DTNA: variants seen among roughly 807,000 people sequenced by gnomAD.
The protein encoded by DTNA is dystrophin-related protein 3.
A neutral mutation model predicts 100.7 loss-of-function variants in DTNA; 43 were observed. The ratio of observed to expected loss-of-function variants is 0.43; its 90% CI spans 0.33 to 0.55. DTNA has a LOEUF of 0.55. Ranked by LOEUF, DTNA falls within the 20% of genes least tolerant of loss-of-function variation. The pLI, the probability that DTNA is intolerant of heterozygous loss-of-function variation, is 0.04. For missense variants in DTNA, 798 were observed against 953.9 expected, an observed-to-expected ratio of 0.84 and a Z score of 2.15; for synonymous variants, 349 against 347.9, an observed-to-expected ratio of 1.00 and a Z score of -0.04.
chr18:34,829,166 T>C (rs2095937779), intron 10 of DTNA: 1 of 1,612,234 alleles, frequency 6.2e-7, no homozygotes, highest in African/African-American at 1.3e-5. Context: ...TAACCCAAAA[T>C]ATGATTATTT....
chr18:34,517,767 C>T (rs569141397), intron 1 of DTNA, among the ~76,000 whole-genome samples: 2 of 152,082 alleles, frequency 1.3e-5, no homozygotes, highest in African/African-American at 2.4e-5. Context: ...CACCTTACCC[C>T]CTGTGTCCAT....
intron 2 of DTNA, among the ~76,000 whole-genome samples, chr18:34,763,785 AAAT>A (rs1428261639): frequency 6.6e-6 from 1 of 152,174 alleles, no homozygotes; most frequent in Non-Finnish European, 1.5e-5. Context: ...ATCATAATGA[AAAT>A]AATAATAACA....
At chr18:34,666,998 A>G (rs1025506844) in intron 1 of DTNA, among the ~76,000 whole-genome samples, 2 of 152,160 alleles carry the variant, frequency 1.3e-5, no homozygotes, top group Non-Finnish European at 2.9e-5. Context: ...CATTGAATCT[A>G]TAAATTACTT....
chr18:34,738,313 A>C (rs1415410962), intron 1 of DTNA, among the ~76,000 whole-genome samples: 1 of 152,202 alleles, frequency 6.6e-6, no homozygotes, highest in Non-Finnish European at 1.5e-5. Flanking sequence ...ACGCATGTCT[A>C]CTATAAATTA....
At chr18:34,848,687 G>T (rs1450177645) in intron 14 of DTNA, among the ~76,000 whole-genome samples, 2 of 152,138 alleles carry the variant, frequency 1.3e-5, no homozygotes, top group Non-Finnish European at 2.9e-5. Flanking sequence ...AGGACTGGTT[G>T]TGATTCCTTT....
rs1199695756 is a variant in DTNA, at chr18:34,517,460, CGT to C, written c.-2+23973_-2+23974del. Among the ~76,000 whole-genome samples, 138 of 148,994 alleles carry C rather than the reference CGT, an allele frequency of 9.3e-4. 1 individual carries two copies. Among genetic ancestry groups the C allele is most frequent in the African/African-American group, 2.9e-3 (117 of 40,376 alleles). On this transcript the variant is annotated intron_variant, in intron 1 of 19. Transcript: ENST00000283365. Reference sequence around the variant, plus strand: ...TCAGATTTAATAAGTTTTATATACACGTGTGTGTGTGTGTGTGTGTGTGTGTG... The same window carrying C: ...TCAGATTTAATAAGTTTTATATACACGTGTGTGTGTGTGTGTGTGTGTGTG...
intron 17 of DTNA, 77 bp downstream of exon 17, chr18:34,864,139 G>A: frequency 3.8e-6 from 5 of 1,312,914 alleles, no homozygotes; most frequent in Non-Finnish European, 4.2e-6. Flanking sequence ...AATGTGCAAT[G>A]GTTTTTCCAA....
At chr18:34,535,960 C>G (rs1232412746) in intron 1 of DTNA, among the ~76,000 whole-genome samples, 1 of 152,034 alleles carries the variant, frequency 6.6e-6, no homozygotes, top group Non-Finnish European at 1.5e-5. Context: ...TAATTTCTCT[C>G]TCTTCCTGAA....
At chr18:34,837,731 TG>T (rs937569939) in intron 11 of DTNA, among the ~76,000 whole-genome samples, 19 of 152,190 alleles carry the variant, frequency 1.2e-4, no homozygotes, top group Non-Finnish European at 2.2e-4. Flanking sequence ...GCTAAGTTCT[TG>T]AGTGGGATCT....
rs553063484 is a variant in DTNA at position 34,821,441 on chromosome 18, A to G, written c.1001+526A>G. 1.0e-3 allele frequency: 475 copies of G among 455,598 alleles called. 1 individual carries two copies. Among genetic ancestry groups the G allele is most frequent in the African/African-American group, 8.2e-3 (413 of 50,140 alleles). 28.2% of individuals were successfully genotyped at this position (455,598 alleles called of 1,614,324 possible). On this transcript the variant is annotated intron_variant, in intron 9 of 22. Transcript: ENST00000444659. ...AAGAGGGGGAGTGGCGGGAAAATTT[A>G]TCAGAATATCCATAGATTCTTTTCT...
At chr18:34,781,499 A>G (rs896435925) in intron 3 of DTNA, among the ~76,000 whole-genome samples, 7 of 152,142 alleles carry the variant, frequency 4.6e-5, no homozygotes, top group African/African-American at 1.7e-4. Context: ...TGGCCTTAAA[A>G]GTTTTTTTTA....
intron 1 of DTNA, among the ~76,000 whole-genome samples, chr18:34,583,755 G>A (rs550401134): frequency 5.9e-5 from 9 of 152,176 alleles, no homozygotes; most frequent in East Asian, 1.9e-4. Context: ...GATTGCTGAC[G>A]CTAAGGGACA....
intron 1 of DTNA, among the ~76,000 whole-genome samples, chr18:34,563,638 A>G (rs760169393): frequency 5.9e-5 from 9 of 152,152 alleles, no homozygotes; most frequent in Non-Finnish European, 1.3e-4. Context: ...CTTCTGCTAT[A>G]TCCACCCCAC....
At chr18:34,496,399 TA>T (rs1157751032) in intron 1 of DTNA, among the ~76,000 whole-genome samples, 1 of 152,244 alleles carries the variant, frequency 6.6e-6, no homozygotes, top group African/African-American at 2.4e-5. Flanking sequence ...TATCAAGACA[TA>T]AATCCTGTGA....
intron 1 of DTNA, among the ~76,000 whole-genome samples, chr18:34,549,254 A>G (rs1238962574): frequency 2.0e-5 from 3 of 152,102 alleles, no homozygotes; most frequent in Admixed American, 2.0e-4. Flanking sequence ...GAGAACATAA[A>G]TCGGCATCTT....
At chr18:34,665,198 G>A (rs1314589846) in intron 1 of DTNA, among the ~76,000 whole-genome samples, 1 of 151,844 alleles carries the variant, frequency 6.6e-6, no homozygotes, top group Non-Finnish European at 1.5e-5. Flanking sequence ...GTATCTCTTT[G>A]TCTAACAAAG....
At chr18:34,557,069 T>C (rs1394237156) in intron 1 of DTNA, among the ~76,000 whole-genome samples, 1 of 151,184 alleles carries the variant, frequency 6.6e-6, no homozygotes, top group African/African-American at 2.5e-5. Flanking sequence ...TTTGCTCATT[T>C]CTTATTCTTT....
At chr18:34,628,022 C>T (rs1347071929) in intron 1 of DTNA, among the ~76,000 whole-genome samples, 1 of 152,086 alleles carries the variant, frequency 6.6e-6, no homozygotes, top group Non-Finnish European at 1.5e-5. Flanking sequence ...ATCTGCTGGC[C>T]TCAAGTGATA....
At chr18:34,555,565 A>G (rs1489798331) in intron 1 of DTNA, among the ~76,000 whole-genome samples, 1 of 151,830 alleles carries the variant, frequency 6.6e-6, no homozygotes, top group Non-Finnish European at 1.5e-5. Flanking sequence ...CAGAGATTCT[A>G]GTGTGTTGTG....
Sources: allele counts gnomAD v4.1 joint callset (sites outside exome capture counted in the v4.1 genomes callset), GRCh38; gene constraint gnomAD v4.1.1; transcripts MANE v1.5; gene names NCBI Gene and HGNC (gene_info 2026-07-23, HGNC 2026-07-21).